The following LRP2 variants were observed in gnomAD, a reference collection of about 807,000 sequenced individuals.
LRP2 encodes low-density lipoprotein receptor-related protein 2.
A neutral mutation model predicts 531.0 loss-of-function variants in LRP2; 172 were observed. The ratio of observed to expected loss-of-function variants is 0.32; its 90% CI spans 0.29 to 0.37. The LOEUF (loss-of-function observed/expected upper bound fraction) is 0.37, where lower values mean the gene tolerates loss of function less well. LRP2 is among the 10% of genes least tolerant of loss of function. The pLI is 1.00. For missense variants in LRP2, 5,167 were observed against 5,868.3 expected (o/e 0.88, Z 3.90); for synonymous variants, 1,992 against 2,027.6 (o/e 0.98, Z 0.47).
Position 169,239,750 on chromosome 2 carries a change from A to T in LRP2, c.4071T>A (p.Asn1357Lys), listed in dbSNP as rs1179328716. The T allele has an allele frequency of 3.7e-6, 6 of 1,614,068 alleles. No homozygotes were observed. In the East Asian group the frequency reaches 1.3e-4, roughly 36 times the overall value. Residue 1357 changes from asparagine (N) to lysine (K), a missense_variant, in exon 26 of 79, where the codon AAT becomes AAA. Around this residue, in one of 6 missense-constraint regions of LRP2, gnomAD observed 2,811 missense variants for 3,058.0 expected, o/e 0.92. Transcript: ENST00000649046. ...LCNGNSCSDF[N>K]GGCTHECVQE... ...GAACACACTCGTGAGTACAACCACCATTGAAATCTGAGCAGCTGTTCCCAT... is the reference window on the plus strand; with the variant it reads ...GAACACACTCGTGAGTACAACCACCTTTGAAATCTGAGCAGCTGTTCCCAT...
chr2:169,228,872 G>A (rs1689297448), intron 31 of LRP2, among the ~76,000 whole-genome samples: 1 of 152,186 alleles, frequency 6.6e-6, no homozygotes, highest in Non-Finnish European at 1.5e-5. Flanking sequence ...TGCCTGAAAA[G>A]TGCTATATGG....
intron 47 of LRP2, among the ~76,000 whole-genome samples, chr2:169,193,428 C>CAAA (rs1166288828): frequency 1.3e-4 from 8 of 62,302 alleles, no homozygotes; most frequent in South Asian, 1.2e-3. Context: ...AAGACCTTGT[C>CAAA]AAAAAAAAAA....
intron 4 of LRP2, among the ~76,000 whole-genome samples, chr2:169,298,243 A>G (rs1484407159): frequency 2.6e-5 from 4 of 152,026 alleles, no homozygotes; most frequent in Non-Finnish European, 1.5e-5. Context: ...AATAACATGT[A>G]TTAAAAACTA....
intron 75 of LRP2, among the ~76,000 whole-genome samples, chr2:169,137,754 T>C (rs1181992492): frequency 6.6e-6 from 1 of 151,186 alleles, no homozygotes; most frequent in African/African-American, 2.4e-5. Flanking sequence ...AAGGAAATGG[T>C]AACATTCTTC....
chr2:169,205,688 C>CA, intron 40 of LRP2, 51 bp from the exon 41 acceptor site: 2 of 1,489,784 alleles, frequency 1.3e-6, no homozygotes, highest in Non-Finnish European at 1.8e-6. Context: ...CCTCATAGTC[C>CA]TTTAAAAAAA....
intron 77 of LRP2, among the ~76,000 whole-genome samples, chr2:169,130,909 T>C (rs1249782380): frequency 1.3e-5 from 2 of 152,352 alleles, no homozygotes; most frequent in Admixed American, 6.5e-5. Context: ...TCAGTTTACA[T>C]TTTGTTTCTG....
At chr2:169,204,349 G>T (rs745477383) in intron 41 of LRP2, 78 bp from the exon 42 acceptor site, 2 of 1,314,270 alleles carry the variant, frequency 1.5e-6, no homozygotes, top group East Asian at 2.3e-5. Flanking sequence ...CAATGCATGC[G>T]CCTCATCATT....
chr2:169,310,799 T>C (rs1189400583), intron 3 of LRP2, among the ~76,000 whole-genome samples: 1 of 152,242 alleles, frequency 6.6e-6, no homozygotes, highest in African/African-American at 2.4e-5. Flanking sequence ...CTTGTACCTC[T>C]GGTAGAATTC....
Position 169,213,826 on chromosome 2 carries a change from T to C in LRP2, c.5871A>G (p.Val1957=), listed in dbSNP as rs1688681957. 7 of 1,613,704 alleles carry C rather than the reference T, an allele frequency of 4.3e-6. No homozygotes were observed. The highest frequency in any genetic ancestry group is 1.3e-5 in the African/African-American group (1 of 74,900). ...TTCCCCAGGGGTGGGAAAGCTGGTG[T>C]ACCAGGATCATTCGATCTGTTCCAT... ...NVDGTDRMIL[V]HQLSHPWGIA... Residue 1957 remains valine (V), a synonymous_variant, in exon 36 of 79, where the codon GTA becomes GTG. Transcript: ENST00000649046.
Position 169,244,736 on chromosome 2 carries a change from G to A in LRP2, c.3387C>T (p.Asp1129=). 1.9e-6 allele frequency: 3 copies of A among 1,614,204 alleles called. No individual in the cohort carries two copies. Among genetic ancestry groups the A allele is most frequent in the Non-Finnish European group, 2.5e-6 (3 of 1,180,026 alleles). ...HQCISKNWVC[D]TDNDCGDGSD... is the part of the protein sequence containing the mutation. ...ATCCATCCCCACAATCATTGTCTGT[G>A]TCACAGACCCAGTTCTTTGAGATAC... The change falls in exon 22 of 79, where the codon GAC becomes GAT. Residue 1129 remains aspartate (D), a synonymous_variant. Transcript: ENST00000649046.
At chr2:169,316,072 G>A (rs1684755860) in intron 3 of LRP2, among the ~76,000 whole-genome samples, 1 of 151,068 alleles carries the variant, frequency 6.6e-6, no homozygotes, top group South Asian at 2.1e-4. Context: ...AGCCCAGGAG[G>A]TCAAGGCTAC....
intron 1 of LRP2, among the ~76,000 whole-genome samples, chr2:169,335,606 G>A (rs2105546668): frequency 6.6e-6 from 1 of 152,248 alleles, no homozygotes; most frequent in African/African-American, 2.4e-5. Context: ...CTTAAGCTCA[G>A]GAGTCTGTAA....
rs117112354 is a variant in LRP2, at chr2:169,297,017, G to A, written c.428-2307C>T. On this transcript the variant is annotated intron_variant, in intron 4 of 78. Transcript: ENST00000649046. ...AACCCCTGCACACCTTGATCTCTTC[G>A]GTGCATAGTTAACCTGGGATGTATA... is the stretch of plus-strand genomic sequence containing the variant. Among the ~76,000 whole-genome samples, 47 of 152,130 alleles carry A rather than the reference G, an allele frequency of 3.1e-4. 2 individuals carry two copies. The East Asian group carries it at 8.9e-3, about 29-fold the overall frequency.
In LRP2 at chr2:169,225,346, G is replaced by T. The variant is rs1341566101; in HGVS notation, c.5502C>A (p.Asn1834Lys). The T allele has an allele frequency of 6.2e-7, 1 of 1,613,908 alleles. No homozygotes were observed. Among genetic ancestry groups the T allele is most frequent in the Non-Finnish European group, 8.5e-7 (1 of 1,179,900 alleles). The change falls in exon 33 of 79, where the codon AAC becomes AAA. Residue 1834 changes from asparagine (N) to lysine (K), a missense_variant. Physicochemically the swap from Asn to Lys is moderately conservative, Grantham distance 94 (BLOSUM62 0). Coordinates refer to ENST00000649046, the MANE Select transcript of LRP2 (RefSeq NM_004525.3). ...GAGTTCTAGGATTGGTAGAATAAAG[G>T]TTTCTTGAAATCCAATCTAAGGCCA... ...MNLALDWISR[N>K]LYSTNPRTQS...
intron 57 of LRP2, 43 bp from the exon 58 acceptor site, chr2:169,172,177 A>G (rs759124739): frequency 1.9e-6 from 3 of 1,612,892 alleles, no homozygotes; most frequent in South Asian, 1.1e-5. Context: ...CCATTGGCAG[A>G]GAAATGCACA....
rs2105286623 is a variant in LRP2, at chr2:169,176,565, T to C, written c.10417A>G (p.Asn3473Asp). 1 of 1,614,086 alleles carries C rather than the reference T, an allele frequency of 6.2e-7. No individual in the cohort carries two copies. Among genetic ancestry groups the C allele is most frequent in the Non-Finnish European group, 8.5e-7 (1 of 1,180,044 alleles). ...AGGCAGAGATGAGAACAGCCACCAT[T>C]GTTGGTACCACAGGGATTGCTCACT... ...PIVSNPCGTN[N>D]GGCSHLCLIK... is the part of the protein sequence containing the mutation. The change falls in exon 54 of 79, where the codon AAT becomes GAT. Residue 3473 changes from asparagine (N) to aspartate (D), a missense_variant. Transcript: ENST00000649046.
At chr2:169,281,096 A>G (rs1344998767) in intron 10 of LRP2, among the ~76,000 whole-genome samples, 1 of 152,214 alleles carries the variant, frequency 6.6e-6, no homozygotes, top group Non-Finnish European at 1.5e-5. Flanking sequence ...ACAAATTATG[A>G]ACATAAAAGA....
chr2:169,291,399 T>C (rs1683995710), intron 7 of LRP2, among the ~76,000 whole-genome samples: 1 of 152,224 alleles, frequency 6.6e-6, no homozygotes, highest in Non-Finnish European at 1.5e-5. Context: ...GCTTTGTTTA[T>C]TTAGTGAAAT....
At position 169,172,023 on chromosome 2, in the gene LRP2, T is replaced by C; in HGVS notation, c.11255A>G (p.Glu3752Gly). ...GGACTGTGAACACTCACCACAGTTT[T>C]CCTCATCTGAGTTATCTCCACAGTC... The part of the protein sequence containing the change: ...QNDCGDNSDE[E>G]NCAPRECTES... Residue 3752 changes from glutamate (E) to glycine (G), a missense_variant, in exon 58 of 79, where the codon GAA (glutamate) becomes GGA (glycine). Around this residue, in one of 6 missense-constraint regions of LRP2, gnomAD observed 564 missense variants for 747.7 expected, o/e 0.75. Coordinates refer to ENST00000649046, the MANE Select transcript of LRP2 (RefSeq NM_004525.3). The C allele has an allele frequency of 6.2e-7, 1 of 1,614,132 alleles. No individual in the cohort carries two copies. Among genetic ancestry groups the C allele is most frequent in the Non-Finnish European group, 8.5e-7 (1 of 1,179,994 alleles).
Sources: allele counts gnomAD v4.1 joint callset (sites outside exome capture counted in the v4.1 genomes callset), GRCh38; gene constraint gnomAD v4.1.1; regional missense constraint gnomAD v4.1.1; transcripts MANE v1.5; gene names NCBI Gene and HGNC (gene_info 2026-07-23, HGNC 2026-07-21).